The following SUGCT variants were observed in gnomAD, a reference collection of about 807,000 sequenced individuals.
SUGCT encodes succinyl-CoA:glutarate CoA-transferase.
Under a neutral mutation model 55.0 loss-of-function variants are expected in SUGCT, and 41 were observed. The observed-to-expected ratio is 0.74, with a 90% CI of 0.58 to 0.97. SUGCT has a LOEUF of 0.97. Ranked by LOEUF, SUGCT falls within the 50% of genes least tolerant of loss-of-function variation. The pLI is 0.00. For synonymous variants in SUGCT, 187 were observed against 200.4 expected (o/e 0.93, Z 0.56); for missense variants, 568 against 547.8 (o/e 1.04, Z -0.37).
At chr7:40,161,731 C>T (rs924780060) in intron 1 of SUGCT, among the ~76,000 whole-genome samples, 3 of 152,152 alleles carry the variant, frequency 2.0e-5, no homozygotes, top group African/African-American at 7.2e-5. Context: ...CCCTTCTAAT[C>T]CTCTGGACAG....
intron 12 of SUGCT, among the ~76,000 whole-genome samples, chr7:40,505,262 T>C (rs1387296412): frequency 2.6e-5 from 4 of 152,176 alleles, no homozygotes; most frequent in Non-Finnish European, 1.5e-5. Context: ...GTATGTCTCA[T>C]GTAGATGGTA....
chr7:40,611,894 G>A (rs1798782307), intron 12 of SUGCT, among the ~76,000 whole-genome samples: 1 of 152,154 alleles, frequency 6.6e-6, no homozygotes, highest in African/African-American at 2.4e-5. Flanking sequence ...TGTGCAGCCT[G>A]TATGCAGAGC....
At chr7:40,915,911 T>C in the SUGCT span, among the ~76,000 whole-genome samples, 1 of 152,234 alleles carries the variant, frequency 6.6e-6, no homozygotes, top group African/African-American at 2.4e-5. Flanking sequence ...TTGGGCATGT[T>C]GGGTACCTTG....
chr7:40,256,135 G>T lies in SUGCT; in HGVS notation c.577-18378G>T, dbSNP rs372866560. On this transcript the variant is annotated intron_variant, in intron 7 of 13. Coordinates refer to ENST00000335693, the MANE Select transcript of SUGCT (RefSeq NM_001193313.2). ...TTAAGAAAAGTATAATTGCATAGTTGTTTCTGAGAGAAAAATAGAGAGGAA... is the reference window on the plus strand; with the variant it reads ...TTAAGAAAAGTATAATTGCATAGTTTTTTCTGAGAGAAAAATAGAGAGGAA... Among the ~76,000 whole-genome samples the T allele has an allele frequency of 2.0e-5, 3 of 152,190 alleles. No individual in the cohort carries two copies. The East Asian group carries it at 5.8e-4, about 29-fold the overall frequency.
At chr7:40,160,322 G>A (rs1249630824) in intron 1 of SUGCT, among the ~76,000 whole-genome samples, 2 of 152,048 alleles carry the variant, frequency 1.3e-5, no homozygotes, top group Admixed American at 6.6e-5. Context: ...TCTTGCTCCC[G>A]GGTTCAAGCG....
chr7:41,027,013 C>T, the SUGCT span, among the ~76,000 whole-genome samples: 1 of 151,950 alleles, frequency 6.6e-6, no homozygotes, highest in Non-Finnish European at 1.5e-5. Context: ...GCCTGGGCGA[C>T]AGAGCAAGAC....
chr7:40,154,873 A>G (rs1783804760), intron 1 of SUGCT, among the ~76,000 whole-genome samples: 1 of 152,210 alleles, frequency 6.6e-6, no homozygotes, highest in Admixed American at 6.5e-5. Context: ...TTAAAAATTA[A>G]AATGCACATC....
At position 40,860,755 on chromosome 7, in the gene SUGCT, C is replaced by T. The variant is rs547583869; in HGVS notation, c.*276C>T. The T allele has an allele frequency of 1.4e-5, 4 of 281,228 alleles. No individual in the cohort carries two copies. Among genetic ancestry groups the T allele is most frequent in the African/African-American group, 2.2e-5 (1 of 45,830 alleles). The allele number at this position is 281,228 out of a possible 1,614,324, so 17.4% of individuals were successfully genotyped here. A position where few individuals can be genotyped will look rare whatever the true frequency, so the allele number is the denominator to read the frequency against. ...TAAAAATAAAGTTTTAATTTTTTTC[C>T]TGGAAAAATGCACTCCTTATTCTAC... On this transcript the variant is annotated 3_prime_UTR_variant, in exon 14 of 14. Transcript: ENST00000335693.
chr7:40,515,398 T>A (rs991037714), intron 12 of SUGCT, among the ~76,000 whole-genome samples: 1 of 152,208 alleles, frequency 6.6e-6, no homozygotes, highest in Non-Finnish European at 1.5e-5. Context: ...ATTCACAGAA[T>A]TGTGTAACCA....
the SUGCT span, among the ~76,000 whole-genome samples, chr7:41,023,015 C>T: frequency 6.6e-6 from 1 of 152,200 alleles, no homozygotes; most frequent in Middle Eastern, 3.2e-3. Flanking sequence ...TTGGATGTCA[C>T]TTGCCTACCC....
At chr7:40,481,255 T>C (rs1583793500) in intron 11 of SUGCT, among the ~76,000 whole-genome samples, 1 of 152,208 alleles carries the variant, frequency 6.6e-6, no homozygotes, top group Non-Finnish European at 1.5e-5. Flanking sequence ...TGAGGATCAC[T>C]TGATCCCAGG....
At chr7:40,884,653 A>G in the SUGCT span, among the ~76,000 whole-genome samples, 1 of 152,224 alleles carries the variant, frequency 6.6e-6, no homozygotes, top group Non-Finnish European at 1.5e-5. Flanking sequence ...GAATGGCTAT[A>G]GCAATTTAGA....
intron 13 of SUGCT, among the ~76,000 whole-genome samples, chr7:40,781,911 C>T (rs906683334): frequency 2.0e-5 from 3 of 151,874 alleles, no homozygotes; most frequent in Admixed American, 6.6e-5. Flanking sequence ...CAAGCTTTTG[C>T]ATAATTGATA....
chr7:40,281,183 T>G (rs982293075), intron 8 of SUGCT, among the ~76,000 whole-genome samples: 14 of 152,200 alleles, frequency 9.2e-5, no homozygotes, highest in African/African-American at 3.1e-4. Flanking sequence ...TTAAGCATTG[T>G]GCCTACTGTG....
intron 1 of SUGCT, among the ~76,000 whole-genome samples, chr7:40,159,660 T>A (rs1413079361): frequency 2.0e-5 from 3 of 152,032 alleles, no homozygotes; most frequent in African/African-American, 7.2e-5. Context: ...TGAGCCACCG[T>A]GCCTGGCCGG....
intron 5 of SUGCT, among the ~76,000 whole-genome samples, chr7:40,194,132 A>T (rs926703542): frequency 1.3e-5 from 2 of 152,186 alleles, no homozygotes; most frequent in African/African-American, 4.8e-5. Flanking sequence ...TCTTAAATAC[A>T]TTTAAAACTC....
At chr7:40,218,784 A>G (rs1378347730) in intron 6 of SUGCT, among the ~76,000 whole-genome samples, 1 of 152,180 alleles carries the variant, frequency 6.6e-6, no homozygotes, top group Admixed American at 6.5e-5. Context: ...AAAGGTTTGT[A>G]AACGCACCAA....
chr7:40,165,928 T>C (rs1233485066), intron 1 of SUGCT, among the ~76,000 whole-genome samples: 1 of 152,138 alleles, frequency 6.6e-6, no homozygotes, highest in African/African-American at 2.4e-5. Context: ...AAGACCAGCC[T>C]GGCCAATATG....
the SUGCT span, among the ~76,000 whole-genome samples, chr7:40,898,449 TCACG>T: frequency 8.8e-6 from 1 of 113,906 alleles, no homozygotes; most frequent in Non-Finnish European, 1.7e-5. Flanking sequence ...GCATTGGGGC[TCACG>T]CCTGTAATCC....
Sources: gnomAD v4.1 joint callset for allele counts (sites outside exome capture counted in the v4.1 genomes callset) on GRCh38, gnomAD v4.1.1 for gene constraint, MANE v1.5 for transcripts, NCBI Gene and HGNC (gene_info 2026-07-23, HGNC 2026-07-21) for gene names.